Variants in PTPRD observed in about 807,000 individuals in gnomAD.
PTPRD encodes the protein receptor-type tyrosine-protein phosphatase delta.
In PTPRD, 34 loss-of-function variants were observed where a neutral mutation model predicts 214.5. The observed-to-expected ratio is 0.16, with a 90% CI of 0.12 to 0.21. PTPRD has a LOEUF of 0.21. Ranked by LOEUF, PTPRD falls within the 10% of genes least tolerant of loss-of-function variation. The probability of loss-of-function intolerance (pLI) is 1.00; values close to 1 mark genes in which losing one functional copy is unlikely to be tolerated. For missense variants in PTPRD, 2,545 were observed against 2,398.7 expected (o/e 1.06, Z -1.27); for synonymous variants, 1,128 against 845.7 (o/e 1.33, Z -5.79).
At chr9:9,851,240 C>G (rs1055366778) in intron 5 of PTPRD, among the ~76,000 whole-genome samples, 5 of 152,172 alleles carry the variant, frequency 3.3e-5, no homozygotes, top group Non-Finnish European at 7.3e-5. Flanking sequence ...TCAAAAGTGT[C>G]TCTGAGTGAA....
intron 7 of PTPRD, among the ~76,000 whole-genome samples, chr9:9,698,642 A>T (rs10759089): frequency 0.33 from 50,722 of 151,996 alleles, 8,752 homozygotes; most frequent in Admixed American, 0.46. Context: ...GTCTTCAGGG[A>T]TATTTCTGCC....
intron 2 of PTPRD, among the ~76,000 whole-genome samples, chr9:10,411,017 G>C (rs1429513813): frequency 6.6e-6 from 1 of 151,700 alleles, no homozygotes; most frequent in Non-Finnish European, 1.5e-5. Flanking sequence ...ATTTGAGTCA[G>C]GCACTAGTAC....
chr9:10,084,169 TAA>T (rs910849049), intron 3 of PTPRD, among the ~76,000 whole-genome samples: 1 of 152,006 alleles, frequency 6.6e-6, no homozygotes, highest in Non-Finnish European at 1.5e-5. Context: ...CACAATATTT[TAA>T]GTGTTGTTTT....
In PTPRD at chr9:9,747,586, G is replaced by A. The variant is rs377385883; in HGVS notation, c.-325-13015C>T. On this transcript the variant is annotated intron_variant, in intron 6 of 45. Transcript: ENST00000381196. ...CCTGAGATGGAGTTTCACTCTTTTC[G>A]CCCAGGCTGGAGTTCAATGGCACCA... 2.5e-4 allele frequency among the ~76,000 whole-genome samples: 33 copies of A among 133,454 alleles called. No individual in the cohort carries two copies. In the East Asian group the frequency reaches 4.7e-3, roughly 19 times the overall value. 87.6% of individuals were successfully genotyped at this position (133,454 alleles called of 152,430 possible).
chr9:9,228,672 T>C (rs776330706), intron 9 of PTPRD, among the ~76,000 whole-genome samples: 2 of 152,234 alleles, frequency 1.3e-5, no homozygotes, highest in Non-Finnish European at 2.9e-5. Context: ...ATTTGTAAAA[T>C]GAATGAAATC....
At chr9:9,929,943 C>A (rs1161711787) in intron 5 of PTPRD, among the ~76,000 whole-genome samples, 1 of 152,060 alleles carries the variant, frequency 6.6e-6, no homozygotes, top group Non-Finnish European at 1.5e-5. Flanking sequence ...AATGAGGACA[C>A]CAGAGATAAT....
At chr9:8,918,161 C>T (rs1277458881) in intron 11 of PTPRD, among the ~76,000 whole-genome samples, 1 of 152,154 alleles carries the variant, frequency 6.6e-6, no homozygotes, top group Non-Finnish European at 1.5e-5. Flanking sequence ...TTGCTTATTT[C>T]CTCCATGCTC....
At chr9:9,580,001 G>T (rs73388936) in intron 7 of PTPRD, among the ~76,000 whole-genome samples, 4,527 of 152,098 alleles carry the variant, frequency 0.03, 186 homozygotes, top group African/African-American at 0.094. Context: ...ATGACCTCCA[G>T]TTCCATCCAT....
intron 3 of PTPRD, among the ~76,000 whole-genome samples, chr9:10,209,350 T>A (rs2099503593): frequency 6.6e-6 from 1 of 152,226 alleles, no homozygotes; most frequent in African/African-American, 2.4e-5. Flanking sequence ...TGGCTTCTTA[T>A]AAGACACTCT....
intron 9 of PTPRD, among the ~76,000 whole-genome samples, chr9:9,250,903 G>A (rs966154337): frequency 6.6e-6 from 1 of 151,852 alleles, no homozygotes; most frequent in Non-Finnish European, 1.5e-5. Context: ...CTTTATCCTT[G>A]GATCACACAT....
At chr9:8,918,436 T>C (rs554403593) in intron 11 of PTPRD, among the ~76,000 whole-genome samples, 1 of 152,270 alleles carries the variant, frequency 6.6e-6, no homozygotes, top group Admixed American at 6.5e-5. Context: ...TTGAGGGATT[T>C]TTAGCAGTAA....
intron 2 of PTPRD, among the ~76,000 whole-genome samples, chr9:10,395,170 T>A (rs1207968964): frequency 6.6e-6 from 1 of 151,638 alleles, no homozygotes; most frequent in Non-Finnish European, 1.5e-5. Flanking sequence ...TTAACACATG[T>A]ATACATGTGC....
intron 35 of PTPRD, among the ~76,000 whole-genome samples, chr9:8,421,148 A>G (rs745636382): frequency 2.0e-5 from 3 of 152,080 alleles, no homozygotes; most frequent in Non-Finnish European, 2.9e-5. Context: ...GATAAATGAT[A>G]TCTCTCTATA....
At position 9,750,120 on chromosome 9, in the gene PTPRD, T is replaced by A. The variant is rs144286134; in HGVS notation, c.-325-15549A>T. Among the ~76,000 whole-genome samples, 138 of 152,318 alleles carry A rather than the reference T, an allele frequency of 9.1e-4. 1 individual carries two copies. In the East Asian group the frequency reaches 0.02, roughly 22 times the overall value. ...ATTACACAATTACTAATACAAATTG[T>A]AAAAGTTTTGCCAATATGCTAAATC... On this transcript the variant is annotated intron_variant, in intron 6 of 45. Coordinates refer to ENST00000381196, the MANE Select transcript of PTPRD (RefSeq NM_002839.4).
At chr9:9,116,766 C>T (rs2099812730) in intron 10 of PTPRD, among the ~76,000 whole-genome samples, 1 of 152,126 alleles carries the variant, frequency 6.6e-6, no homozygotes, top group Non-Finnish European at 1.5e-5. Flanking sequence ...AGAAAATGCT[C>T]CTCTACATGC....
At chr9:10,336,014 T>G (rs1456049899) in intron 3 of PTPRD, among the ~76,000 whole-genome samples, 1 of 151,726 alleles carries the variant, frequency 6.6e-6, no homozygotes, top group East Asian at 1.9e-4. Context: ...CACATCCAGT[T>G]TGGAAGAGAG....
chr9:8,572,870 A>G (rs1339887538), intron 14 of PTPRD, among the ~76,000 whole-genome samples: 1 of 152,038 alleles, frequency 6.6e-6, no homozygotes, highest in Non-Finnish European at 1.5e-5. Context: ...ATTTTCACAT[A>G]TATCCTAAAT....
At chr9:9,203,720 T>C (rs1452735833) in intron 9 of PTPRD, among the ~76,000 whole-genome samples, 4 of 152,294 alleles carry the variant, frequency 2.6e-5, no homozygotes, top group African/African-American at 7.2e-5. Flanking sequence ...ATTTTCTTCT[T>C]TATGTGTTTT....
intron 2 of PTPRD, among the ~76,000 whole-genome samples, chr9:10,346,128 T>A (rs368596662): frequency 6.6e-6 from 1 of 152,208 alleles, no homozygotes; most frequent in Non-Finnish European, 1.5e-5. Flanking sequence ...TTGAAATTAA[T>A]AGGATTCTAA....
Sources: allele counts gnomAD v4.1 joint callset (sites outside exome capture counted in the v4.1 genomes callset), GRCh38; gene constraint gnomAD v4.1.1; transcripts MANE v1.5; gene names NCBI Gene and HGNC (gene_info 2026-07-23, HGNC 2026-07-21).